Variants in INSL6 observed in about 807,000 individuals in gnomAD.
The protein encoded by INSL6 is insulin like 6, also known as insulin-like peptide INSL6.
A neutral mutation model predicts 9.4 loss-of-function variants in INSL6; 16 were observed. That is an observed-to-expected ratio of 1.70 (90% CI 1.15 to 2.59). The LOEUF (loss-of-function observed/expected upper bound fraction) is 2.59. INSL6 is among the 30% of genes most tolerant of loss of function. The pLI is 0.00. For missense variants in INSL6, 391 were observed against 257.3 expected (o/e 1.52, Z -3.56); for synonymous variants, 154 against 96.9 (o/e 1.59, Z -3.46).
the INSL6 span, among the ~76,000 whole-genome samples, chr9:5,048,244 T>A: frequency 5.3e-5 from 8 of 152,098 alleles, no homozygotes; most frequent in African/African-American, 1.9e-4. Flanking sequence ...CAGGTTCAAG[T>A]GATTCTCCTG....
the INSL6 span, among the ~76,000 whole-genome samples, chr9:5,102,119 T>A: frequency 2.9e-3 from 446 of 152,198 alleles, 4 homozygotes; most frequent in African/African-American, 9.3e-3. Flanking sequence ...TTCAAACCCA[T>A]CGCAAGGAAG....
chr9:5,117,128 A>G, the INSL6 span, among the ~76,000 whole-genome samples: 4 of 152,246 alleles, frequency 2.6e-5, no homozygotes, highest in Admixed American at 2.0e-4. Flanking sequence ...CCTTGGAAGC[A>G]GAGAGCAGCC....
At chr9:5,114,773 C>T in the INSL6 span, 83,897 of 316,108 alleles carry the variant, frequency 0.27, 11,860 homozygotes, top group Admixed American at 0.3. Context: ...GCTCACAGAC[C>T]GTCAAGTAAC....
the INSL6 span, among the ~76,000 whole-genome samples, chr9:5,115,343 A>G: frequency 6.6e-6 from 1 of 152,220 alleles, no homozygotes; most frequent in African/African-American, 2.4e-5. Context: ...GAGAAATGCA[A>G]ATCAAAACCA....
the INSL6 span, among the ~76,000 whole-genome samples, chr9:5,068,762 G>C: frequency 6.6e-6 from 1 of 152,034 alleles, no homozygotes; most frequent in South Asian, 2.1e-4. Flanking sequence ...TATTAAGGAT[G>C]GTATTGTTGC....
chr9:5,104,226 G>C, the INSL6 span, among the ~76,000 whole-genome samples: 3 of 152,214 alleles, frequency 2.0e-5, no homozygotes, highest in African/African-American at 7.2e-5. Context: ...AAATGGTAAA[G>C]GGGATATCAC....
At chr9:5,080,589 A>T in the INSL6 span, 1 of 1,607,406 alleles carries the variant, frequency 6.2e-7, no homozygotes, top group Non-Finnish European at 8.5e-7. Flanking sequence ...GGGCAGAATT[A>T]GCAAACCTTA....
chr9:5,020,784 G>A, the INSL6 span, among the ~76,000 whole-genome samples: 1 of 152,142 alleles, frequency 6.6e-6, no homozygotes, highest in Admixed American at 6.5e-5. Context: ...GGTCCCAGAG[G>A]CGGCAGCCAG....
chr9:5,056,942 T>C, the INSL6 span, among the ~76,000 whole-genome samples: 1 of 152,162 alleles, frequency 6.6e-6, no homozygotes, highest in Non-Finnish European at 1.5e-5. Flanking sequence ...TTTGAAAACC[T>C]AAGCTCTTAA....
At chr9:5,121,806 G>A (rs1342474584), downstream of INSL6, among the ~76,000 whole-genome samples, 3 of 152,094 alleles carry the variant, frequency 2.0e-5, no homozygotes, top group Non-Finnish European at 4.4e-5. Context: ...TTACATAAGT[G>A]ATAGAACAGA....
the INSL6 span, among the ~76,000 whole-genome samples, chr9:5,059,212 A>T: frequency 2.6e-5 from 4 of 152,300 alleles, no homozygotes; most frequent in Middle Eastern, 3.4e-3. Flanking sequence ...AGGTTTCCAC[A>T]TGCATCTTCC....
the INSL6 span, among the ~76,000 whole-genome samples, chr9:5,043,178 C>G: frequency 5.3e-5 from 8 of 151,566 alleles, no homozygotes; most frequent in African/African-American, 1.9e-4. Context: ...GACTGGCTGG[C>G]GGACTCCCAG....
intron 2 of INSL6, among the ~76,000 whole-genome samples, chr9:5,143,641 C>G (rs1824545136): frequency 6.7e-6 from 1 of 149,472 alleles, no homozygotes; most frequent in African/African-American, 2.5e-5. Context: ...ATAAACAGCT[C>G]CTGGATCCTG....
intron 1 of INSL6, 90 bp from the exon 2 acceptor site, chr9:5,164,355 T>C (rs747845447): frequency 3.8e-6 from 3 of 798,680 alleles, no homozygotes; most frequent in Non-Finnish European, 6.0e-6. Context: ...CAGCTAATTA[T>C]TAAAAAACAA....
chr9:5,143,343 C>A (rs763737930), intron 2 of INSL6, among the ~76,000 whole-genome samples: 16 of 151,544 alleles, frequency 1.1e-4, no homozygotes, highest in Non-Finnish European at 2.4e-4. Flanking sequence ...TGGTTGCAGG[C>A]TCTTAATGCT....
At chr9:5,044,511 C>T in the INSL6 span, 7 of 1,577,734 alleles carry the variant, frequency 4.4e-6, no homozygotes, top group Non-Finnish European at 6.1e-6. Flanking sequence ...TGTCTTACCT[C>T]TTTGCTCAGG....
the INSL6 span, chr9:5,095,108 A>G: frequency 3.3e-5 from 5 of 152,306 alleles, no homozygotes; most frequent in Non-Finnish European, 7.4e-5. Flanking sequence ...AATTGAACCT[A>G]TCCCTGAGAC....
the INSL6 span, among the ~76,000 whole-genome samples, chr9:5,019,343 T>A: frequency 6.6e-6 from 1 of 152,234 alleles, no homozygotes; most frequent in African/African-American, 2.4e-5. Context: ...ATTTTTTATT[T>A]CATTAAATGA....
the INSL6 span, among the ~76,000 whole-genome samples, chr9:5,084,178 C>A: frequency 6.6e-6 from 1 of 152,008 alleles, no homozygotes; most frequent in Non-Finnish European, 1.5e-5. Context: ...AAATATATTT[C>A]TTAGTAATTT....
Sources: gnomAD v4.1 joint callset for allele counts (sites outside exome capture counted in the v4.1 genomes callset) on GRCh38, gnomAD v4.1.1 for gene constraint, MANE v1.5 for transcripts, NCBI Gene and HGNC (gene_info 2026-07-23, HGNC 2026-07-21) for gene names.